The following PDCL2 variants were observed in gnomAD, a reference collection of about 807,000 sequenced individuals.
PDCL2 encodes phosducin-like protein 2.
Under a neutral mutation model 30.3 loss-of-function variants are expected in PDCL2, and 23 were observed. The observed-to-expected ratio is 0.76, with a 90% CI of 0.55 to 1.08. PDCL2 has a LOEUF of 1.08. Among genes scored for constraint, PDCL2 ranks in the 50% least tolerant of loss-of-function variants. The pLI is 0.00. For synonymous variants in PDCL2, 68 were observed against 86.2 expected, an observed-to-expected ratio of 0.79 and a Z score of 1.17; for missense variants, 243 against 282.3, an observed-to-expected ratio of 0.86 and a Z score of 1.00.
At chr4:55,566,182 A>G (rs1178404971) in intron 4 of PDCL2, among the ~76,000 whole-genome samples, 2 of 151,578 alleles carry the variant, frequency 1.3e-5, no homozygotes, top group African/African-American at 4.8e-5. Flanking sequence ...GGGTTTTGCC[A>G]TGTTGGCCAG....
intron 1 of PDCL2, among the ~76,000 whole-genome samples, chr4:55,582,622 T>A (rs1364125213): frequency 6.6e-6 from 1 of 152,198 alleles, no homozygotes; most frequent in Non-Finnish European, 1.5e-5. Context: ...TTTTTTTTAT[T>A]ATACTTTAAG....
At chr4:55,588,889 G>A (rs1021285282) in intron 1 of PDCL2, among the ~76,000 whole-genome samples, 1 of 144,892 alleles carries the variant, frequency 6.9e-6, no homozygotes. Context: ...AGAGAGTCTC[G>A]CTCTGTTGCC....
intron 4 of PDCL2, among the ~76,000 whole-genome samples, chr4:55,563,452 A>C (rs890408193): frequency 6.6e-6 from 1 of 152,202 alleles, no homozygotes; most frequent in African/African-American, 2.4e-5. Context: ...AGGCCAAGAT[A>C]GACAGATCAT....
intron 1 of PDCL2, among the ~76,000 whole-genome samples, chr4:55,583,283 G>C (rs1732774617): frequency 6.6e-6 from 1 of 152,110 alleles, no homozygotes; most frequent in Non-Finnish European, 1.5e-5. Context: ...TCTTACTACT[G>C]TTATTTGAGT....
intron 4 of PDCL2, 124 bp downstream of exon 4, chr4:55,569,594 A>G (rs1199094963): frequency 4.1e-6 from 2 of 491,920 alleles, no homozygotes; most frequent in East Asian, 3.3e-5. Flanking sequence ...CTATGGATGT[A>G]TATGTGTGCA....
intron 3 of PDCL2, among the ~76,000 whole-genome samples, chr4:55,579,631 G>A (rs1345309098): frequency 6.6e-6 from 1 of 152,190 alleles, no homozygotes; most frequent in Non-Finnish European, 1.5e-5. Flanking sequence ...AAAGATCTGA[G>A]TGCTATATGT....
intron 1 of PDCL2, among the ~76,000 whole-genome samples, chr4:55,588,476 G>A (rs1418429125): frequency 1.3e-5 from 2 of 151,726 alleles, no homozygotes; most frequent in Non-Finnish European, 2.9e-5. Flanking sequence ...TGCCTTACTA[G>A]ACCAAATCAA....
In PDCL2 at chr4:55,562,050, T is replaced by TA. The variant is rs766129899; in HGVS notation, c.571+353dup. ...ACATTAGGTACAAGCAGAGAATGTG[T>TA]AAAAAAAGTGTGATGGCACAAATGA... On this transcript the variant is annotated intron_variant, in intron 5 of 5. Coordinates refer to ENST00000295645, the MANE Select transcript of PDCL2 (RefSeq NM_152401.3). Among the ~76,000 whole-genome samples, 14 of 137,316 alleles carry TA rather than the reference T, an allele frequency of 1.0e-4. 1 individual carries two copies. In the East Asian group the frequency reaches 2.4e-3, roughly 24 times the overall value. The allele number at this position is 137,316 out of a possible 152,430, so 90.1% of individuals were successfully genotyped here.
intron 1 of PDCL2, among the ~76,000 whole-genome samples, chr4:55,583,662 A>G (rs561028117): frequency 5.3e-5 from 8 of 152,288 alleles, no homozygotes; most frequent in Admixed American, 1.3e-4. Context: ...AACACCCATT[A>G]TTGAAGAGAC....
intron 5 of PDCL2, among the ~76,000 whole-genome samples, chr4:55,558,171 T>C (rs1243224745): frequency 6.6e-6 from 1 of 151,680 alleles, no homozygotes; most frequent in Non-Finnish European, 1.5e-5. Flanking sequence ...TAAATGGTGT[T>C]GAAACAATTG....
At chr4:55,572,994 G>T (rs986088057) in intron 3 of PDCL2, among the ~76,000 whole-genome samples, 12 of 152,128 alleles carry the variant, frequency 7.9e-5, no homozygotes, top group Non-Finnish European at 1.5e-5. Context: ...TCCTGACCTT[G>T]TGATCTGCCC....
In PDCL2 at chr4:55,562,422, TCCC is replaced by T; in HGVS notation, c.550_552del (p.Gly184del). 7.0e-7 allele frequency: 1 copy of T among 1,421,002 alleles called. No individual in the cohort carries two copies. Among genetic ancestry groups the T allele is most frequent in the Non-Finnish European group, 9.3e-7 (1 of 1,080,788 alleles). 88.0% of individuals were successfully genotyped at this position (1,421,002 alleles called of 1,614,324 possible). On this transcript the variant is annotated inframe_deletion, in exon 5 of 6. Coordinates refer to ENST00000295645, the MANE Select transcript of PDCL2 (RefSeq NM_152401.3). The stretch of plus-strand genomic sequence containing the variant: ...ACATTACCTTCCAGCTTGAGATTTA[TCCC>T]TCCACATTCTATAATTCCAATGAAT...
chr4:55,561,235 C>T (rs768619293), intron 5 of PDCL2, among the ~76,000 whole-genome samples: 2 of 151,954 alleles, frequency 1.3e-5, no homozygotes, highest in South Asian at 4.2e-4. Flanking sequence ...GCAAAAACAG[C>T]TTTGGGGGAC....
At position 55,571,711 on chromosome 4, in the gene PDCL2, T is replaced by A. The variant is rs1418913363; in HGVS notation, c.219-1850A>T. 2.7e-5 allele frequency among the ~76,000 whole-genome samples: 4 copies of A among 146,540 alleles called. No individual in the cohort carries two copies. In the East Asian group the frequency reaches 7.9e-4, roughly 29 times the overall value. On this transcript the variant is annotated intron_variant, in intron 3 of 5. Transcript: ENST00000295645. ...CAAAAAAAAAAAAAATTTTTGACCTTATTTCCCATGCTAGAAACATTTCAA... is the reference window on the plus strand; with the variant it reads ...CAAAAAAAAAAAAAATTTTTGACCTAATTTCCCATGCTAGAAACATTTCAA...
chr4:55,574,644 A>G (rs914057173), intron 3 of PDCL2, among the ~76,000 whole-genome samples: 3 of 152,026 alleles, frequency 2.0e-5, no homozygotes, highest in Admixed American at 1.3e-4. Context: ...TCCACAATAA[A>G]CCCATATCTA....
intron 2 of PDCL2, 131 bp downstream of exon 2, chr4:55,581,986 T>A: frequency 8.1e-7 from 1 of 1,227,058 alleles, no homozygotes; most frequent in Non-Finnish European, 1.1e-6. Flanking sequence ...GGATTACAGG[T>A]GTGAGCCACC....
chr4:55,572,453 A>G (rs910042145), intron 3 of PDCL2, among the ~76,000 whole-genome samples: 1 of 152,224 alleles, frequency 6.6e-6, no homozygotes, highest in African/African-American at 2.4e-5. Flanking sequence ...AACTATTCTG[A>G]GAATCAGAAA....
chr4:55,564,910 A>G (rs1171338130), intron 4 of PDCL2, among the ~76,000 whole-genome samples: 5 of 152,152 alleles, frequency 3.3e-5, no homozygotes, highest in Non-Finnish European at 7.4e-5. Context: ...CTTCCCTTTA[A>G]CCTCCAAACT....
chr4:55,564,381 C>T (rs1732209444), intron 4 of PDCL2, among the ~76,000 whole-genome samples: 1 of 152,122 alleles, frequency 6.6e-6, no homozygotes, highest in African/African-American at 2.4e-5. Flanking sequence ...AGTAGGGGAA[C>T]AAATTTGGTG....
Sources: gnomAD v4.1 joint callset for allele counts (sites outside exome capture counted in the v4.1 genomes callset) on GRCh38, gnomAD v4.1.1 for gene constraint, MANE v1.5 for transcripts, NCBI Gene and HGNC (gene_info 2026-07-23, HGNC 2026-07-21) for gene names.